The following TBL2 variants were observed in gnomAD, a reference collection of about 807,000 sequenced individuals.
TBL2 encodes the protein transducin beta like 2.
TBL2 carries 33 observed loss-of-function variants against 41.8 expected under a neutral mutation model. The ratio of observed to expected loss-of-function variants is 0.79; its 90% CI spans 0.60 to 1.06. TBL2 has a LOEUF of 1.06. TBL2 is among the 50% of genes least tolerant of loss of function. TBL2 has a pLI of 0.00. For missense variants in TBL2, 522 were observed against 603.8 expected (o/e 0.86, Z 1.42); for synonymous variants, 239 against 241.7 (o/e 0.99, Z 0.10).
At chr7:73,574,339 G>A (rs201541394) in intron 2 of TBL2, 44 bp downstream of exon 2, 2 of 1,610,326 alleles carry the variant, frequency 1.2e-6, no homozygotes, top group Non-Finnish European at 1.7e-6. Context: ...AAAGCCTGTG[G>A]GGCTGAGTCT....
At chr7:73,573,900 G>A in intron 3 of TBL2, 38 bp downstream of exon 3, 1 of 1,605,580 alleles carries the variant, frequency 6.2e-7, no homozygotes, top group Non-Finnish European at 8.5e-7. Context: ...CTGGGACTAG[G>A]CCTCTGCAGG....
rs1792842562 is a variant in TBL2 at position 73,570,312 on chromosome 7, G to C, written c.*195C>G. On this transcript the variant is annotated 3_prime_UTR_variant, in exon 7 of 7. Coordinates refer to ENST00000305632, the MANE Select transcript of TBL2 (RefSeq NM_012453.4). ...AGAAAAGCACCTTGGCCACTAGTCAGGGAGGAGTCACAGCCAGCAAGAAGA... is the reference window on the plus strand; with the variant it reads ...AGAAAAGCACCTTGGCCACTAGTCACGGAGGAGTCACAGCCAGCAAGAAGA... The C allele has an allele frequency of 9.8e-7, 1 of 1,015,832 alleles. No individual in the cohort carries two copies. Among genetic ancestry groups the C allele is most frequent in the South Asian group, 2.1e-5 (1 of 48,514 alleles). 62.9% of individuals were successfully genotyped at this position (1,015,832 alleles called of 1,614,324 possible).
At position 73,572,830 on chromosome 7, in the gene TBL2, C is replaced by T; in HGVS notation, c.725+14G>A. The T allele has an allele frequency of 6.2e-7, 1 of 1,613,984 alleles. No homozygotes were observed. Among genetic ancestry groups the T allele is most frequent in the Non-Finnish European group, 8.5e-7 (1 of 1,179,898 alleles). The stretch of plus-strand genomic sequence containing the variant: ...CTCTCGTGGTCCCAGACGCCAATAC[C>T]CCTCCTTGCCCACCTGCCACAGGGA... On this transcript the variant is annotated intron_variant, in intron 5 of 6. Coordinates refer to ENST00000305632, the MANE Select transcript of TBL2 (RefSeq NM_012453.4).
In TBL2 at chr7:73,572,892, T is replaced by G; in HGVS notation, c.677A>C (p.Asn226Thr). Residue 226 changes from asparagine to threonine, a missense_variant, in exon 5 of 7, where the codon AAC becomes ACC. Coordinates refer to ENST00000305632, the MANE Select transcript of TBL2 (RefSeq NM_012453.4). ...GTGTGTGTTGTTCATCTGGTTGGTG[T>G]TGATGGTAGACAGCACTTGACCCTT... ...SLKGQVLSTINTNQMNNTHAA... is the reference protein window; with the variant it reads ...SLKGQVLSTITTNQMNNTHAA... The G allele has an allele frequency of 6.2e-7, 1 of 1,614,090 alleles. No homozygotes were observed. Among genetic ancestry groups the G allele is most frequent in the Non-Finnish European group, 8.5e-7 (1 of 1,180,004 alleles).
intron 1 of TBL2, among the ~76,000 whole-genome samples, chr7:73,577,262 T>C (rs35624969): frequency 0.25 from 16,776 of 67,840 alleles, 1,051 homozygotes; most frequent in African/African-American, 0.32. Flanking sequence ...TCCGTCCCCC[T>C]GCAAAAAAAA....
chr7:73,571,374 A>G (rs1792943066), intron 5 of TBL2, 33 bp from the exon 6 acceptor site: 2 of 1,613,344 alleles, frequency 1.2e-6, no homozygotes, highest in African/African-American at 2.7e-5. Context: ...TTAAAACTTC[A>G]TTTTCGGAGC....
In TBL2 at chr7:73,573,894, G is replaced by A. The variant is rs781786145; in HGVS notation, c.446+44C>T. The A allele has an allele frequency of 2.2e-5, 35 of 1,602,802 alleles. No homozygotes were observed. In the Middle Eastern group the frequency reaches 1.7e-3, roughly 78 times the overall value. On this transcript the variant is annotated intron_variant, in intron 3 of 6. Transcript: ENST00000305632. ...CAGATATGGGAAGGCCAAAGCCTGG[G>A]ACTAGGCCTCTGCAGGCAAACCTGA... is the stretch of plus-strand genomic sequence containing the variant.
At chr7:73,577,260 CCT>C (rs1793384348) in intron 1 of TBL2, among the ~76,000 whole-genome samples, 2 of 129,014 alleles carry the variant, frequency 1.6e-5, no homozygotes, top group Non-Finnish European at 3.4e-5. Flanking sequence ...ACTCCGTCCC[CCT>C]GCAAAAAAAA....
In TBL2 at chr7:73,568,430, A is replaced by G. The variant is rs1554586553; in HGVS notation, c.*2077T>C. On this transcript the variant is annotated 3_prime_UTR_variant, in exon 7 of 7. Coordinates refer to ENST00000305632, the MANE Select transcript of TBL2 (RefSeq NM_012453.4). ...GAAGCAATTTCTGCTGGATTCCTGA[A>G]TAAGTAGCAGCCACCCCCCATCCTG... 6.6e-6 allele frequency among the ~76,000 whole-genome samples: 1 copy of G among 152,122 alleles called. No homozygotes were observed. The highest frequency in any genetic ancestry group is 1.5e-5 in the Non-Finnish European group (1 of 68,018).
chr7:73,574,656 G>A, intron 1 of TBL2, 143 bp from the exon 2 acceptor site: 1 of 1,183,776 alleles, frequency 8.4e-7, no homozygotes. Context: ...AGTGTGATAT[G>A]GGCAAAAACA....
chr7:73,570,874 A>G lies in TBL2; in HGVS notation c.977T>C (p.Phe326Ser). Reference protein sequence around the residue: ...QDPYLLKTGRFEEAAGAAPCR... With the variant: ...QDPYLLKTGRSEEAAGAAPCR... The stretch of plus-strand genomic sequence containing the variant: ...CGGCGCGGCACCCGCCGCCTCTTCA[A>G]AGCGGCCTGTCTTCAGCAAGTAGGG... The change falls in exon 7 of 7, where the codon TTT becomes TCT. Residue 326 changes from phenylalanine to serine, a missense_variant. Coordinates refer to ENST00000305632, the MANE Select transcript of TBL2 (RefSeq NM_012453.4). The G allele has an allele frequency of 6.2e-7, 1 of 1,613,944 alleles. No individual in the cohort carries two copies. Among genetic ancestry groups the G allele is most frequent in the Non-Finnish European group, 8.5e-7 (1 of 1,180,024 alleles).
Position 73,570,520 on chromosome 7 carries a change from G to C in TBL2, c.1331C>G (p.Ala444Gly). ...QAQETLKSLG[A>G]LKK ...GCCCTCCCAGAGTCACTTCTTCAGGGCACCCAGGCTCTTCAGGGTCTCTTG... is the reference window on the plus strand; with the variant it reads ...GCCCTCCCAGAGTCACTTCTTCAGGCCACCCAGGCTCTTCAGGGTCTCTTG... The change falls in exon 7 of 7, where the codon GCC (alanine) becomes GGC (glycine). Residue 444 changes from alanine to glycine, a missense_variant. Coordinates refer to ENST00000305632, the MANE Select transcript of TBL2 (RefSeq NM_012453.4). 1 of 1,562,002 alleles carries C rather than the reference G, an allele frequency of 6.4e-7. No individual in the cohort carries two copies.
At chr7:73,578,217 C>T in intron 1 of TBL2, 1 of 1,525,210 alleles carries the variant, frequency 6.6e-7, no homozygotes, top group Non-Finnish European at 8.8e-7. Flanking sequence ...CAGGTTGGAG[C>T]CAGTCCCGCC....
intron 1 of TBL2, 185 bp from the exon 2 acceptor site, chr7:73,574,698 T>C (rs1412876958): frequency 1.1e-5 from 8 of 747,510 alleles, no homozygotes; most frequent in South Asian, 1.0e-4. Context: ...TGGTGGCTCA[T>C]GCCTGTAATC....
At chr7:73,574,613 C>T in intron 1 of TBL2, 100 bp from the exon 2 acceptor site, 2 of 1,521,954 alleles carry the variant, frequency 1.3e-6, no homozygotes, top group Admixed American at 1.8e-5. Context: ...AGGAGATTAA[C>T]CAGATATGGC....
chr7:73,577,971 A>G (rs1554589315), intron 1 of TBL2: 2 of 354,978 alleles, frequency 5.6e-6, no homozygotes, highest in South Asian at 1.3e-4. Flanking sequence ...TTTTTCACTT[A>G]CATATTTAGG....
Position 73,570,232 on chromosome 7 carries a change from A to G in TBL2, c.*275T>C. On this transcript the variant is annotated 3_prime_UTR_variant, in exon 7 of 7. Coordinates refer to ENST00000305632, the MANE Select transcript of TBL2 (RefSeq NM_012453.4). ...TCTCTCTCTCTCTCCTCTCCTCTCT[A>G]CCATTCTCCTCAGTGCCAGGTGGGG... is the stretch of plus-strand genomic sequence containing the variant. 1 of 409,660 alleles carries G rather than the reference A, an allele frequency of 2.4e-6. No homozygotes were observed. The highest frequency in any genetic ancestry group is 4.3e-6 in the Non-Finnish European group (1 of 233,268). 25.4% of individuals were successfully genotyped at this position (409,660 alleles called of 1,614,324 possible). A position where few individuals can be genotyped will look rare whatever the true frequency, so the allele number is the denominator to read the frequency against.
Position 73,571,298 on chromosome 7 carries a change from C to A in TBL2, c.769G>T (p.Glu257Ter), listed in dbSNP as rs1293064707. ...TCCCCCTTCTTTCCAAAGCAGACTT[C>A]CCAAACCTTCACATCTGGGGTGAAG... ...CGFTPDVKVW[E>*]VCFGKKGEFQ... is the part of the protein sequence containing the mutation. Residue 257 changes from glutamate (E) to a stop codon, truncating the protein, a stop_gained, in exon 6 of 7, where the codon GAA (glutamate) becomes TAA (stop). Coordinates refer to ENST00000305632, the MANE Select transcript of TBL2 (RefSeq NM_012453.4). LOFTEE classifies it high-confidence loss of function. 5 of 1,614,084 alleles carry A rather than the reference C, an allele frequency of 3.1e-6. No individual in the cohort carries two copies. In the East Asian group the frequency reaches 1.1e-4, roughly 36 times the overall value.
chr7:73,571,005 A>G, intron 6 of TBL2, 33 bp from the exon 7 acceptor site: 1 of 1,575,922 alleles, frequency 6.3e-7, no homozygotes, highest in South Asian at 1.2e-5. Flanking sequence ...TCAAGCCCCA[A>G]CACACCCTGG....
Sources: gnomAD v4.1 joint callset for allele counts (sites outside exome capture counted in the v4.1 genomes callset) on GRCh38, gnomAD v4.1.1 for gene constraint, MANE v1.5 for transcripts, NCBI Gene and HGNC (gene_info 2026-07-23, HGNC 2026-07-21) for gene names.